The following WNK1 variants were observed in gnomAD, a reference collection of about 807,000 sequenced individuals.
WNK1 encodes serine/threonine-protein kinase WNK1.
Under a neutral mutation model 222.8 loss-of-function variants are expected in WNK1, and 38 were observed. The ratio of observed to expected loss-of-function variants is 0.17; its 90% confidence interval spans 0.13 to 0.22. The LOEUF is 0.22. Ranked by LOEUF, WNK1 falls within the 10% of genes least tolerant of loss-of-function variation. The pLI, the probability that WNK1 is intolerant of heterozygous loss-of-function variation, is 1.00. For synonymous variants in WNK1, 1,090 were observed against 1,092.9 expected (o/e 1.00, Z 0.05); for missense variants, 2,348 against 2,918.4 (o/e 0.80, Z 4.50).
rs1956011595 is a variant in WNK1 at position 910,581 on chromosome 12, C to A, written c.*1789C>A. The A allele has an allele frequency of 6.6e-6, 1 of 152,166 alleles. No homozygotes were observed. Among genetic ancestry groups the A allele is most frequent in the Non-Finnish European group, 1.5e-5 (1 of 68,028 alleles). 9.4% of individuals were successfully genotyped at this position (152,166 alleles called of 1,614,324 possible). A position where few individuals can be genotyped will look rare whatever the true frequency, so the allele number is the denominator to read the frequency against. The stretch of plus-strand genomic sequence containing the variant: ...GCTATGTTTAGGATCTTTGTTATCT[C>A]TGAAGACAAAGAAAGAAGCTAGGAC... On this transcript the variant is annotated 3_prime_UTR_variant, in exon 28 of 28. Coordinates refer to ENST00000315939, the MANE Select transcript of WNK1 (RefSeq NM_018979.4).
intron 4 of WNK1, among the ~76,000 whole-genome samples, chr12:853,579 A>C (rs922678318): frequency 6.6e-6 from 1 of 152,238 alleles, no homozygotes; most frequent in Admixed American, 6.5e-5. Flanking sequence ...AACTACTTCT[A>C]CTTGTCCAGT....
At chr12:757,278 G>T (rs1252599623) in intron 1 of WNK1, among the ~76,000 whole-genome samples, 1 of 140,842 alleles carries the variant, frequency 7.1e-6, no homozygotes, top group African/African-American at 2.6e-5. Flanking sequence ...GTCATGCTAT[G>T]CATTGCTCTT....
At chr12:764,006 G>A (rs980055223) in intron 1 of WNK1, among the ~76,000 whole-genome samples, 1 of 147,578 alleles carries the variant, frequency 6.8e-6, no homozygotes, top group African/African-American at 2.4e-5. Flanking sequence ...AAGTTCAATA[G>A]GCAGTTGGAT....
intron 4 of WNK1, among the ~76,000 whole-genome samples, chr12:850,615 T>C (rs1950351439): frequency 1.3e-5 from 2 of 152,222 alleles, no homozygotes; most frequent in South Asian, 4.1e-4. Context: ...TGCCATTGCT[T>C]TTGGTGTTTT....
At chr12:907,024 T>A (rs1466698424) in intron 26 of WNK1, among the ~76,000 whole-genome samples, 9 of 47,430 alleles carry the variant, frequency 1.9e-4, no homozygotes, top group South Asian at 1.0e-3. Context: ...ACCCTTCCTT[T>A]AAAAAAAAAA....
At chr12:855,142 A>G (rs1230690148) in intron 4 of WNK1, among the ~76,000 whole-genome samples, 1 of 152,220 alleles carries the variant, frequency 6.6e-6, no homozygotes, top group Admixed American at 6.5e-5. Flanking sequence ...AGCTTGCTCA[A>G]TTAAAGCAGG....
intron 9 of WNK1, among the ~76,000 whole-genome samples, chr12:873,616 C>A (rs898401991): frequency 6.6e-6 from 1 of 152,054 alleles, no homozygotes; most frequent in African/African-American, 2.4e-5. Flanking sequence ...ATTGTTTCTT[C>A]CATTTTAAAT....
At chr12:769,362 C>T (rs1298037724) in intron 1 of WNK1, among the ~76,000 whole-genome samples, 1 of 151,924 alleles carries the variant, frequency 6.6e-6, no homozygotes, top group African/African-American at 2.4e-5. Flanking sequence ...CCACGACCGG[C>T]TAGTTTTTGT....
intron 20 of WNK1, among the ~76,000 whole-genome samples, chr12:888,859 C>T (rs1011711261): frequency 1.3e-5 from 2 of 152,126 alleles, no homozygotes; most frequent in Non-Finnish European, 2.9e-5. Context: ...CTCTTTCTAC[C>T]GTTTTGAGTA....
At chr12:907,175 A>G (rs1379930434) in intron 26 of WNK1, among the ~76,000 whole-genome samples, 1 of 151,730 alleles carries the variant, frequency 6.6e-6, no homozygotes, top group Non-Finnish European at 1.5e-5. Flanking sequence ...ACAAAAATTA[A>G]CTGGGCATGG....
chr12:829,574 G>A (rs2154027643), intron 3 of WNK1, among the ~76,000 whole-genome samples: 1 of 152,276 alleles, frequency 6.6e-6, no homozygotes, highest in East Asian at 1.9e-4. Context: ...GGGCACACAA[G>A]TATTTTGATC....
intron 4 of WNK1, among the ~76,000 whole-genome samples, chr12:831,133 T>C (rs1035135958): frequency 6.6e-6 from 1 of 152,210 alleles, no homozygotes; most frequent in African/African-American, 2.4e-5. Context: ...AAAAATAATT[T>C]TGTCTTTTTT....
intron 9 of WNK1, among the ~76,000 whole-genome samples, chr12:877,118 C>T (rs530560226): frequency 1.6e-5 from 2 of 123,332 alleles, no homozygotes; most frequent in East Asian, 5.0e-4. Context: ...TGCTGGAGTG[C>T]AATGGTGCAA....
In WNK1 at chr12:843,663, G is replaced by T. The variant is rs201483972; in HGVS notation, c.1312-13498G>T. ...AAATACTTTATAGACCACAAGAAAG[G>T]ATATTGAGGACCCTGAAGGGTCTTT... On this transcript the variant is annotated intron_variant, in intron 4 of 27. Coordinates refer to ENST00000315939, the MANE Select transcript of WNK1 (RefSeq NM_018979.4). Among the ~76,000 whole-genome samples the T allele has an allele frequency of 8.5e-5, 13 of 152,302 alleles. No homozygotes were observed. In the East Asian group the frequency reaches 2.5e-3, roughly 29 times the overall value.
At chr12:904,933 C>T (rs1485931006) in intron 26 of WNK1, among the ~76,000 whole-genome samples, 1 of 152,186 alleles carries the variant, frequency 6.6e-6, no homozygotes, top group Non-Finnish European at 1.5e-5. Context: ...TAGAGTTTGT[C>T]TTCTTAGACT....
Position 842,262 on chromosome 12 carries a change from A to G in WNK1, c.1311+12102A>G, listed in dbSNP as rs1340552853. Among the ~76,000 whole-genome samples, 3 of 152,230 alleles carry G rather than the reference A, an allele frequency of 2.0e-5. No homozygotes were observed. In the East Asian group the frequency reaches 5.8e-4, roughly 29 times the overall value. ...GCAGCAAGTAGAAACTGATGTACCT[A>G]TAAAAGCAATATATTTTATATTAAT... On this transcript the variant is annotated intron_variant, in intron 4 of 27. Transcript: ENST00000315939.
chr12:836,872 G>A (rs1380119948), intron 4 of WNK1, among the ~76,000 whole-genome samples: 1 of 152,034 alleles, frequency 6.6e-6, no homozygotes, highest in Non-Finnish European at 1.5e-5. Context: ...ATGGCATAAC[G>A]TGCCAAGTCA....
Position 753,949 on chromosome 12 carries a change from C to T in WNK1, c.384C>T (p.Thr128=). ...ACCGGGAAGAGACCGTGACCGCCAC[C>T]GCCACTTCCCAGGTAGCCCAGCAGC... ...EPHREETVTA[T]ATSQVAQQPP... The change falls in exon 1 of 28, where the codon ACC becomes ACT. Residue 128 remains threonine, a synonymous_variant. Transcript: ENST00000315939. The surrounding 1 kb of genome is among the most constrained non-coding windows in gnomAD (Gnocchi z 5.2). 1 of 1,603,744 alleles carries T rather than the reference C, an allele frequency of 6.2e-7. No homozygotes were observed. The highest frequency in any genetic ancestry group is 8.5e-7 in the Non-Finnish European group (1 of 1,176,044).
intron 2 of WNK1, among the ~76,000 whole-genome samples, chr12:821,903 A>C (rs1054897828): frequency 1.3e-5 from 2 of 151,954 alleles, no homozygotes; most frequent in Non-Finnish European, 2.9e-5. Context: ...TTTGAATTTC[A>C]ACCTATTTCT....
Sources: gnomAD v4.1 joint callset for allele counts (sites outside exome capture counted in the v4.1 genomes callset) on GRCh38, gnomAD v4.1.1 for gene constraint, Gnocchi (gnomAD v3.1) non-coding constraint, MANE v1.5 for transcripts, NCBI Gene and HGNC (gene_info 2026-07-23, HGNC 2026-07-21) for gene names.